TBXAS1: variants seen among roughly 807,000 people sequenced by gnomAD.
TBXAS1 encodes the protein thromboxane-A synthase.
Under a neutral mutation model 60.7 loss-of-function variants are expected in TBXAS1, and 48 were observed. That is an observed-to-expected ratio of 0.79 (90% CI 0.63 to 1.01). The LOEUF is 1.01. TBXAS1 is among the 50% of genes least tolerant of loss of function. The probability of loss-of-function intolerance (pLI) is 0.00; values close to 1 mark genes in which losing one functional copy is unlikely to be tolerated. For synonymous variants in TBXAS1, 287 were observed against 269.7 expected (o/e 1.06, Z -0.63); for missense variants, 685 against 686.3 (o/e 1.00, Z 0.02).
chr7:139,790,461 AATT>A, intron 4 of TBXAS1, among the ~76,000 whole-genome samples: 1 of 152,350 alleles, frequency 6.6e-6, no homozygotes, highest in South Asian at 2.1e-4. Flanking sequence ...AAACTGAAAT[AATT>A]ATTTGGAAAG....
At chr7:139,995,175 A>C in intron 9 of TBXAS1, among the ~76,000 whole-genome samples, 1 of 152,204 alleles carries the variant, frequency 6.6e-6, no homozygotes, top group South Asian at 2.1e-4. Flanking sequence ...AGGAGCAGGA[A>C]GCAGGAGGGG....
At chr7:139,809,460 T>TG (rs1797975510) in intron 4 of TBXAS1, among the ~76,000 whole-genome samples, 2 of 152,228 alleles carry the variant, frequency 1.3e-5, no homozygotes, top group East Asian at 3.9e-4. Flanking sequence ...GGGATTTATT[T>TG]GGGGAATTGG....
chr7:139,858,813 A>C (rs1455509630), intron 1 of TBXAS1, among the ~76,000 whole-genome samples: 4 of 152,220 alleles, frequency 2.6e-5, no homozygotes, highest in Admixed American at 1.3e-4. Context: ...TTTAGAAGGT[A>C]CACGGACTTT....
chr7:139,911,093 G>A (rs1805481588), intron 3 of TBXAS1, 132 bp from the exon 4 acceptor site: 1 of 795,840 alleles, frequency 1.3e-6, no homozygotes, highest in Non-Finnish European at 2.2e-6. Flanking sequence ...TGGAACATAT[G>A]TTTCCTCATC....
chr7:139,977,632 G>T (rs907405935), intron 9 of TBXAS1, among the ~76,000 whole-genome samples: 2 of 152,126 alleles, frequency 1.3e-5, no homozygotes, highest in Non-Finnish European at 2.9e-5. Context: ...AATGCTTCTG[G>T]CTGCCAGGGG....
At chr7:139,887,745 T>C (rs891824598) in intron 3 of TBXAS1, among the ~76,000 whole-genome samples, 3 of 152,222 alleles carry the variant, frequency 2.0e-5, no homozygotes, top group African/African-American at 4.8e-5. Flanking sequence ...GATGTGGAAA[T>C]ACCTCTTTGA....
At chr7:139,957,484 T>G in intron 7 of TBXAS1, 150 bp from the exon 8 acceptor site, 1 of 955,126 alleles carries the variant, frequency 1.0e-6, no homozygotes, top group South Asian at 1.3e-5. Flanking sequence ...ACATCACCCC[T>G]GCTCTCAGAA....
intron 9 of TBXAS1, among the ~76,000 whole-genome samples, chr7:140,001,871 T>C (rs1398594932): frequency 6.6e-6 from 1 of 152,242 alleles, no homozygotes; most frequent in Non-Finnish European, 1.5e-5. Context: ...CACTGGCTTA[T>C]TCTCACTCAT....
At chr7:139,967,581 A>C (rs1810884608) in intron 9 of TBXAS1, among the ~76,000 whole-genome samples, 1 of 152,164 alleles carries the variant, frequency 6.6e-6, no homozygotes, top group Admixed American at 6.5e-5. Context: ...AGGGTCATGC[A>C]CCTGCCCCCT....
At chr7:139,930,713 A>G (rs1355974102) in intron 4 of TBXAS1, among the ~76,000 whole-genome samples, 1 of 152,220 alleles carries the variant, frequency 6.6e-6, no homozygotes, top group Non-Finnish European at 1.5e-5. Flanking sequence ...ACCAGGCCTC[A>G]TAAAACAAGT....
intron 9 of TBXAS1, among the ~76,000 whole-genome samples, chr7:140,006,249 A>G (rs1814068665): frequency 6.6e-6 from 1 of 152,248 alleles, no homozygotes; most frequent in African/African-American, 2.4e-5. Context: ...CTGGCAGAGC[A>G]GCAAATAAGC....
At chr7:139,980,073 T>C (rs1811857619) in intron 9 of TBXAS1, among the ~76,000 whole-genome samples, 3 of 152,174 alleles carry the variant, frequency 2.0e-5, no homozygotes, top group African/African-American at 7.2e-5. Context: ...TTTTTCTCCC[T>C]GCCCTCAAAA....
intron 9 of TBXAS1, among the ~76,000 whole-genome samples, chr7:139,986,807 A>G (rs75046924): frequency 0.23 from 8,159 of 36,124 alleles, 464 homozygotes; most frequent in East Asian, 0.5. Flanking sequence ...GTGTATATAT[A>G]TATATATATA....
At chr7:139,961,775 C>A in intron 8 of TBXAS1, 144 bp from the exon 9 acceptor site, 4 of 1,030,468 alleles carry the variant, frequency 3.9e-6, no homozygotes, top group Non-Finnish European at 4.3e-6. Flanking sequence ...CTCACCGTCC[C>A]AGATAACCCA....
At chr7:139,942,568 G>T (rs561756773) in intron 5 of TBXAS1, among the ~76,000 whole-genome samples, 2 of 152,294 alleles carry the variant, frequency 1.3e-5, no homozygotes, top group African/African-American at 4.8e-5. Context: ...CAATATAAAT[G>T]ATGGGCTTTC....
At chr7:139,970,255 C>T (rs1412608191) in intron 9 of TBXAS1, among the ~76,000 whole-genome samples, 2 of 152,210 alleles carry the variant, frequency 1.3e-5, no homozygotes, top group Non-Finnish European at 2.9e-5. Context: ...TACAGGCTCA[C>T]GCCACCATGC....
chr7:139,881,455 T>G (rs34027661), intron 3 of TBXAS1, among the ~76,000 whole-genome samples: 3 of 149,618 alleles, frequency 2.0e-5, no homozygotes, highest in Non-Finnish European at 3.0e-5. Flanking sequence ...ACACCCTTTT[T>G]CCCCCCCTCC....
At chr7:139,901,537 G>A (rs953365457) in intron 3 of TBXAS1, among the ~76,000 whole-genome samples, 1 of 152,044 alleles carries the variant, frequency 6.6e-6, no homozygotes, top group African/African-American at 2.4e-5. Flanking sequence ...AGAATTTAGG[G>A]AAATGAGAAT....
intron 8 of TBXAS1, among the ~76,000 whole-genome samples, chr7:139,958,097 G>A (rs114668101): frequency 7.7e-4 from 117 of 152,272 alleles, no homozygotes; most frequent in African/African-American, 2.8e-3. Context: ...AGAATTTTCT[G>A]GGTAAGTGTG....
Sources: gnomAD v4.1 joint callset for allele counts (sites outside exome capture counted in the v4.1 genomes callset) on GRCh38, gnomAD v4.1.1 for gene constraint, MANE v1.5 for transcripts, NCBI Gene and HGNC (gene_info 2026-07-23, HGNC 2026-07-21) for gene names.